SLCO5A1: variants seen among roughly 807,000 people sequenced by gnomAD.
SLCO5A1 encodes the protein organic anion transporter polypeptide-related protein 4.
SLCO5A1 carries 39 observed loss-of-function variants against 65.1 expected under a neutral mutation model. The ratio of observed to expected loss-of-function variants is 0.60; its 90% CI spans 0.46 to 0.78. SLCO5A1 has a LOEUF of 0.78. Ranked by LOEUF, SLCO5A1 falls within the 30% of genes least tolerant of loss-of-function variation. SLCO5A1 has a pLI of 0.00. For synonymous variants in SLCO5A1, 438 were observed against 415.7 expected (o/e 1.05, Z -0.65); for missense variants, 1,029 against 1,069.4 (o/e 0.96, Z 0.53).
intron 2 of SLCO5A1, among the ~76,000 whole-genome samples, chr8:69,830,211 G>A (rs1011795040): frequency 6.6e-6 from 1 of 152,156 alleles, no homozygotes; most frequent in Non-Finnish European, 1.5e-5. Flanking sequence ...AGCTTTTGGG[G>A]ACAGTAAACA....
At chr8:69,690,528 T>A (rs1288387066) in intron 6 of SLCO5A1, among the ~76,000 whole-genome samples, 3 of 152,184 alleles carry the variant, frequency 2.0e-5, no homozygotes, top group African/African-American at 7.2e-5. Context: ...GCCAGTCAAC[T>A]GGGAGGGCTG....
At chr8:69,675,329 C>T (rs919940684) in intron 9 of SLCO5A1, among the ~76,000 whole-genome samples, 5 of 151,810 alleles carry the variant, frequency 3.3e-5, no homozygotes, top group African/African-American at 1.2e-4. Context: ...TAGGCACCAC[C>T]ACACCCAGCT....
chr8:69,828,846 T>G (rs993643819), intron 2 of SLCO5A1, among the ~76,000 whole-genome samples: 13 of 152,222 alleles, frequency 8.5e-5, no homozygotes, highest in African/African-American at 3.1e-4. Context: ...GGGCAACCAC[T>G]ACCAGAAAAG....
chr8:69,825,080 C>T (rs1052164055), intron 2 of SLCO5A1, among the ~76,000 whole-genome samples: 9 of 152,186 alleles, frequency 5.9e-5, no homozygotes, highest in Non-Finnish European at 8.8e-5. Flanking sequence ...TTCAACAATG[C>T]TTCATGGTAA....
chr8:69,760,919 G>A (rs1284611259), intron 3 of SLCO5A1, among the ~76,000 whole-genome samples: 3 of 152,152 alleles, frequency 2.0e-5, no homozygotes, highest in African/African-American at 4.8e-5. Flanking sequence ...CAAAATATTA[G>A]CAAGAAAAAA....
chr8:69,743,052 G>A (rs893758201), intron 4 of SLCO5A1, among the ~76,000 whole-genome samples: 3 of 151,918 alleles, frequency 2.0e-5, no homozygotes, highest in Admixed American at 6.6e-5. Flanking sequence ...TGCCCGCCTC[G>A]GCCTCCCAAA....
At chr8:69,724,810 G>A (rs1430843096) in intron 5 of SLCO5A1, among the ~76,000 whole-genome samples, 3 of 152,202 alleles carry the variant, frequency 2.0e-5, no homozygotes, top group Non-Finnish European at 4.4e-5. Flanking sequence ...ATAAGAGGCC[G>A]CAGCAGGAGC....
At chr8:69,808,236 C>G (rs955011193) in intron 2 of SLCO5A1, among the ~76,000 whole-genome samples, 1 of 150,144 alleles carries the variant, frequency 6.7e-6, no homozygotes, top group African/African-American at 2.5e-5. Context: ...AAACTTGTGT[C>G]ATGGAAGTTT....
chr8:69,749,601 G>A (rs967677914), intron 4 of SLCO5A1, among the ~76,000 whole-genome samples: 4 of 151,686 alleles, frequency 2.6e-5, no homozygotes, highest in African/African-American at 9.7e-5. Flanking sequence ...GCAAGACAGA[G>A]TGAGACAAAG....
At position 69,738,068 on chromosome 8, in the gene SLCO5A1, G is replaced by T. The variant is rs1318199768; in HGVS notation, c.1395C>A (p.Ile465=). 6.8e-6 allele frequency: 11 copies of T among 1,611,602 alleles called. No homozygotes were observed. The highest frequency in any genetic ancestry group is 9.3e-6 in the Non-Finnish European group (11 of 1,178,810). ...TGTAGATGCTGGCATTGGAGGCTGG[G>T]ATACCAAACTGTGACTCGATGAACT... is the stretch of plus-strand genomic sequence containing the variant. ...IPKFIESQFG[I]PASNASIYTG... Residue 465 remains isoleucine, a synonymous_variant, in exon 5 of 10, where the codon ATC becomes ATA. Coordinates refer to ENST00000260126, the MANE Select transcript of SLCO5A1 (RefSeq NM_030958.3).
intron 6 of SLCO5A1, among the ~76,000 whole-genome samples, chr8:69,691,498 T>A (rs2933067): frequency 0.34 from 50,926 of 151,996 alleles, 10,770 homozygotes; most frequent in African/African-American, 0.6. Context: ...GTAACAACCC[T>A]TTTCCCAATC....
intron 2 of SLCO5A1, among the ~76,000 whole-genome samples, chr8:69,803,761 G>GA (rs993333763): frequency 1.5e-4 from 23 of 152,116 alleles, no homozygotes; most frequent in African/African-American, 5.6e-4. Context: ...GGCCATGGTG[G>GA]AAAAACTGCT....
chr8:69,755,336 G>GT, intron 4 of SLCO5A1, 88 bp downstream of exon 4: 1 of 1,051,158 alleles, frequency 9.5e-7, no homozygotes, highest in Non-Finnish European at 1.4e-6. Context: ...GCCACAGACA[G>GT]TGGGTAGACA....
chr8:69,814,153 C>T lies in SLCO5A1; in HGVS notation c.907+17614G>A, dbSNP rs138831048. ...TTAGGAATAATGTTTTGAATATGACCCCAAAAGTGCAGGCAACAAAAGTAA... is the reference window on the plus strand; with the variant it reads ...TTAGGAATAATGTTTTGAATATGACTCCAAAAGTGCAGGCAACAAAAGTAA... On this transcript the variant is annotated intron_variant, in intron 2 of 9. Coordinates refer to ENST00000260126, the MANE Select transcript of SLCO5A1 (RefSeq NM_030958.3). Among the ~76,000 whole-genome samples the T allele has an allele frequency of 5.1e-3, 774 of 151,784 alleles. 4 individuals carry two copies. Among genetic ancestry groups the T allele is most frequent in the African/African-American group, 0.016 (680 of 41,404 alleles).
rs753376769 is a variant in SLCO5A1 at position 69,672,893 on chromosome 8, G to A, written c.2523C>T (p.Pro841=). ...SSADPGLEES[P]AALEPPS is the part of the protein sequence containing the mutation. ...TTCAGGAGGGCGGCTCCAAGGCAGC[G>A]GGGCTCTCTTCCAGCCCCGGGTCCG... The change falls in exon 10 of 10, where the codon CCC becomes CCT. Residue 841 remains proline, a synonymous_variant. Transcript: ENST00000260126. The A allele has an allele frequency of 4.3e-6, 7 of 1,612,460 alleles. No homozygotes were observed. The South Asian group carries it at 6.6e-5, about 15-fold the overall frequency.
intron 2 of SLCO5A1, chr8:69,794,213 A>AT (rs1310180347): frequency 2.4e-6 from 1 of 413,618 alleles, no homozygotes; most frequent in Admixed American, 2.9e-5. Flanking sequence ...GGATGATAGA[A>AT]TTTTGTGCCC....
rs778368028 is a variant in SLCO5A1 at position 69,832,544 on chromosome 8, C to A, written c.130G>T (p.Ala44Ser). The A allele has an allele frequency of 2.5e-6, 4 of 1,608,458 alleles. No homozygotes were observed. The East Asian group carries it at 6.7e-5, about 27-fold the overall frequency. ...GGACTGAGGCTTGGCCGGCAGGAGG[C>A]GCTGCTGAGGACCGGTAAACTCTTA... Reference protein sequence around the residue: ...RSKSLPVLSSASCRPSLSPTS... With the variant: ...RSKSLPVLSSSSCRPSLSPTS... Residue 44 changes from alanine (A) to serine (S), a missense_variant, in exon 2 of 10, where the codon GCC becomes TCC. Ala to Ser is a moderately conservative substitution (Grantham distance 99). This residue lies in a region of SLCO5A1 where 647 missense variants were observed against 647.5 expected (regional missense o/e 1.00). Transcript: ENST00000260126. This position sits in a 1 kb window ranked among gnomAD's most constrained non-coding sequence, Gnocchi z 4.5.
At chr8:69,834,164 C>T (rs924224186) in intron 1 of SLCO5A1, 2 of 154,616 alleles carry the variant, frequency 1.3e-5, no homozygotes, top group Admixed American at 6.5e-5. Flanking sequence ...ATCCCGCACC[C>T]AGCTTGAATT....
At chr8:69,784,845 A>AAGAAAGAAAGAAAGAAAGAAAGAC (rs1818952622) in intron 2 of SLCO5A1, among the ~76,000 whole-genome samples, 2 of 147,934 alleles carry the variant, frequency 1.4e-5, no homozygotes, top group African/African-American at 5.0e-5. Context: ...GAAAGAAAGA[A>AAGAAAGAAAGAAAGAAAGAAAGAC]AGAAAGAAAG....
Sources: gnomAD v4.1 joint callset for allele counts (sites outside exome capture counted in the v4.1 genomes callset) on GRCh38, gnomAD v4.1.1 for gene constraint, gnomAD v4.1.1 regional missense constraint, Gnocchi (gnomAD v3.1) non-coding constraint, MANE v1.5 for transcripts, NCBI Gene and HGNC (gene_info 2026-07-23, HGNC 2026-07-21) for gene names.